OPCML: variants seen among roughly 807,000 people sequenced by gnomAD.
OPCML encodes opioid binding protein/cell adhesion molecule like.
Under a neutral mutation model 37.8 loss-of-function variants are expected in OPCML, and 13 were observed. The observed-to-expected ratio is 0.34, with a 90% CI of 0.22 to 0.55. The LOEUF (loss-of-function observed/expected upper bound fraction) is 0.55. Among genes scored for constraint, OPCML ranks in the 20% least tolerant of loss-of-function variants. The pLI is 0.91. For missense variants in OPCML, 341 were observed against 435.6 expected (o/e 0.78, Z 1.93); for synonymous variants, 176 against 168.8 (o/e 1.04, Z -0.33).
At chr11:132,426,503 G>C (rs565987822) in intron 7 of OPCML, among the ~76,000 whole-genome samples, 4 of 152,174 alleles carry the variant, frequency 2.6e-5, no homozygotes, top group African/African-American at 9.6e-5. Context: ...GCAGTGGCAC[G>C]ATCTCGGCTG....
chr11:133,285,593 C>CTGTTAAAAG (rs1942273640), intron 1 of OPCML, among the ~76,000 whole-genome samples: 1 of 152,154 alleles, frequency 6.6e-6, no homozygotes, highest in Non-Finnish European at 1.5e-5. Context: ...TTAAAAGGAG[C>CTGTTAAAAG]CAGCTAGGGA....
chr11:133,441,459 G>A (rs185834026), intron 1 of OPCML, among the ~76,000 whole-genome samples: 1 of 152,086 alleles, frequency 6.6e-6, no homozygotes, highest in African/African-American at 2.4e-5. Flanking sequence ...ATATGGACAG[G>A]ATATACTATT....
chr11:132,423,073 T>TGGTGAG (rs1312998866), intron 7 of OPCML, among the ~76,000 whole-genome samples: 1 of 152,188 alleles, frequency 6.6e-6, no homozygotes, highest in East Asian at 1.9e-4. Context: ...GAGAGATAGT[T>TGGTGAG]GGTGAGTAGC....
chr11:133,150,799 C>T (rs560035840), intron 1 of OPCML, among the ~76,000 whole-genome samples: 168 of 152,070 alleles, frequency 1.1e-3, no homozygotes, highest in African/African-American at 3.9e-3. Flanking sequence ...GTGTGCCTTC[C>T]AGCTCCGACA....
At chr11:133,437,016 C>T (rs375332980) in intron 1 of OPCML, among the ~76,000 whole-genome samples, 163 of 152,340 alleles carry the variant, frequency 1.1e-3, no homozygotes, top group African/African-American at 3.7e-3. Context: ...GCCCAGCCAT[C>T]ACCCTTATGA....
At chr11:133,476,338 G>A (rs369019604) in intron 1 of OPCML, among the ~76,000 whole-genome samples, 19 of 151,870 alleles carry the variant, frequency 1.3e-4, no homozygotes, top group African/African-American at 4.1e-4. Flanking sequence ...TGAGTAAAGA[G>A]AGAGAAGAAA....
chr11:132,585,958 A>C (rs779867754), intron 3 of OPCML, among the ~76,000 whole-genome samples: 1 of 152,192 alleles, frequency 6.6e-6, no homozygotes, highest in Non-Finnish European at 1.5e-5. Context: ...TTGGATGCAG[A>C]ATCTGAATTG....
At chr11:132,869,332 C>T (rs888440356) in intron 2 of OPCML, among the ~76,000 whole-genome samples, 4 of 152,152 alleles carry the variant, frequency 2.6e-5, no homozygotes, top group African/African-American at 9.7e-5. Context: ...GTTGACACCC[C>T]GCCTCCTCCT....
intron 2 of OPCML, among the ~76,000 whole-genome samples, chr11:132,753,077 C>T (rs1349878030): frequency 1.3e-5 from 2 of 151,972 alleles, no homozygotes; most frequent in African/African-American, 4.8e-5. Context: ...GTGATAAATT[C>T]CATGGTCACC....
At chr11:133,513,571 A>G (rs891607862) in intron 1 of OPCML, among the ~76,000 whole-genome samples, 2 of 152,164 alleles carry the variant, frequency 1.3e-5, no homozygotes, top group Non-Finnish European at 2.9e-5. Context: ...GCGCTTCCAT[A>G]GGATTGTTTA....
chr11:132,848,716 A>G (rs914787100), intron 2 of OPCML, among the ~76,000 whole-genome samples: 2 of 152,248 alleles, frequency 1.3e-5, no homozygotes, highest in African/African-American at 4.8e-5. Context: ...TCCATAAAAT[A>G]TAAGGAGAGA....
chr11:132,948,880 A>C (rs1339954687), intron 1 of OPCML, among the ~76,000 whole-genome samples: 1 of 152,244 alleles, frequency 6.6e-6, no homozygotes, highest in South Asian at 2.1e-4. Context: ...GATTCTACTC[A>C]GACCTACAGA....
intron 1 of OPCML, among the ~76,000 whole-genome samples, chr11:133,129,078 G>C (rs1379800556): frequency 6.6e-6 from 1 of 152,212 alleles, no homozygotes; most frequent in Admixed American, 6.5e-5. Flanking sequence ...TTACACAGGG[G>C]AAGGGGAAAC....
At chr11:133,188,485 G>C (rs1938180786) in intron 1 of OPCML, among the ~76,000 whole-genome samples, 1 of 151,866 alleles carries the variant, frequency 6.6e-6, no homozygotes, top group South Asian at 2.1e-4. Flanking sequence ...AAAATAAAAG[G>C]GAAAATAATC....
chr11:132,673,153 C>A (rs762885247), intron 2 of OPCML, among the ~76,000 whole-genome samples: 3 of 152,156 alleles, frequency 2.0e-5, no homozygotes, highest in African/African-American at 7.2e-5. Context: ...AGGTCTGGCA[C>A]CATTCACTGA....
intron 1 of OPCML, among the ~76,000 whole-genome samples, chr11:133,129,530 T>C (rs562039701): frequency 6.6e-6 from 1 of 152,156 alleles, no homozygotes; most frequent in Non-Finnish European, 1.5e-5. Context: ...ATAATACTTA[T>C]AGAAAAATAG....
chr11:132,952,360 T>C (rs1373286181), intron 1 of OPCML, among the ~76,000 whole-genome samples: 1 of 152,180 alleles, frequency 6.6e-6, no homozygotes, highest in African/African-American at 2.4e-5. Context: ...CACAACACTT[T>C]GGATGAGACA....
intron 2 of OPCML, among the ~76,000 whole-genome samples, chr11:132,872,392 C>T (rs1234555144): frequency 3.3e-5 from 5 of 152,108 alleles, no homozygotes; most frequent in Non-Finnish European, 5.9e-5. Context: ...AATCGCGGAT[C>T]GAAAAGGCTT....
At chr11:132,981,337 C>G (rs771963100) in intron 1 of OPCML, among the ~76,000 whole-genome samples, 2 of 152,110 alleles carry the variant, frequency 1.3e-5, no homozygotes, top group Non-Finnish European at 2.9e-5. Context: ...AGAGCAAAGT[C>G]CAAGGTGACA....
Sources: gnomAD v4.1 joint callset for allele counts (sites outside exome capture counted in the v4.1 genomes callset) on GRCh38, gnomAD v4.1.1 for gene constraint, MANE v1.5 for transcripts, NCBI Gene and HGNC (gene_info 2026-07-23, HGNC 2026-07-21) for gene names.